Variants in HS3ST5 observed in about 807,000 individuals in gnomAD.
HS3ST5 encodes the protein heparan sulfate-glucosamine 3-sulfotransferase 5.
A neutral mutation model predicts 25.4 loss-of-function variants in HS3ST5; 10 were observed. That is an observed-to-expected ratio of 0.39 (90% CI 0.24 to 0.67). The LOEUF (loss-of-function observed/expected upper bound fraction) is 0.67. Ranked by LOEUF, HS3ST5 falls within the 30% of genes least tolerant of loss-of-function variation. The probability of loss-of-function intolerance (pLI) is 0.44; values close to 1 mark genes in which losing one functional copy is unlikely to be tolerated. For synonymous variants in HS3ST5, 170 were observed against 162.4 expected (o/e 1.05, Z -0.36); for missense variants, 324 against 420.7 (o/e 0.77, Z 2.01).
intron 3 of HS3ST5, among the ~76,000 whole-genome samples, chr6:114,121,202 C>T (rs936109581): frequency 6.6e-6 from 1 of 152,196 alleles, no homozygotes; most frequent in African/African-American, 2.4e-5. Flanking sequence ...TATCACTGTT[C>T]TGACCCACAG....
chr6:114,096,919 T>G (rs1775460031), intron 3 of HS3ST5, among the ~76,000 whole-genome samples: 1 of 152,084 alleles, frequency 6.6e-6, no homozygotes, highest in South Asian at 2.1e-4. Flanking sequence ...ATTTTAAGGT[T>G]TTCTAGTGTT....
intron 2 of HS3ST5, among the ~76,000 whole-genome samples, chr6:114,208,146 A>G (rs1269181411): frequency 6.6e-6 from 1 of 152,226 alleles, no homozygotes; most frequent in Non-Finnish European, 1.5e-5. Context: ...TGAAAACTTA[A>G]TCATTGAGAC....
chr6:114,119,255 T>G (rs1263902874), intron 3 of HS3ST5, among the ~76,000 whole-genome samples: 1 of 152,188 alleles, frequency 6.6e-6, no homozygotes, highest in East Asian at 1.9e-4. Flanking sequence ...CCAAAGTCTT[T>G]CCTTACACAG....
At chr6:114,324,817 T>C (rs1423412995) in intron 1 of HS3ST5, among the ~76,000 whole-genome samples, 1 of 152,190 alleles carries the variant, frequency 6.6e-6, no homozygotes, top group African/African-American at 2.4e-5. Flanking sequence ...CTATCACTTA[T>C]ACATCTGTAG....
intron 3 of HS3ST5, among the ~76,000 whole-genome samples, chr6:114,115,896 G>T (rs1391214122): frequency 5.9e-5 from 9 of 151,906 alleles, no homozygotes; most frequent in Admixed American, 1.3e-4. Context: ...GGTTAGTGAG[G>T]TCATGTTGAT....
intron 3 of HS3ST5, among the ~76,000 whole-genome samples, chr6:114,160,926 TA>T (rs1252727471): frequency 6.6e-6 from 1 of 152,208 alleles, no homozygotes; most frequent in Non-Finnish European, 1.5e-5. Context: ...ACCACTGGAA[TA>T]AATTGTAATA....
chr6:114,133,542 T>C (rs1202206934), intron 3 of HS3ST5, among the ~76,000 whole-genome samples: 2 of 152,184 alleles, frequency 1.3e-5, no homozygotes, highest in Non-Finnish European at 2.9e-5. Context: ...AATTTTAGGC[T>C]AAGAGGAGGG....
chr6:114,136,451 A>C (rs299413), intron 3 of HS3ST5, among the ~76,000 whole-genome samples: 93,099 of 152,054 alleles, frequency 0.61, 29,090 homozygotes, highest in Non-Finnish European at 0.68. Flanking sequence ...GCTGTGAGTC[A>C]ATTAAACCTC....
At chr6:114,254,868 G>A (rs922461037) in intron 1 of HS3ST5, among the ~76,000 whole-genome samples, 1 of 152,120 alleles carries the variant, frequency 6.6e-6, no homozygotes, top group South Asian at 2.1e-4. Context: ...TGGAATTAGG[G>A]GAGCTAAAAT....
At chr6:114,084,329 G>A in intron 3 of HS3ST5, 2 of 762,632 alleles carry the variant, frequency 2.6e-6, no homozygotes, top group Admixed American at 1.7e-5. Context: ...GCAATCTCAG[G>A]CTGAGTAGCA....
At chr6:114,339,477 T>A (rs1340509027) in intron 1 of HS3ST5, among the ~76,000 whole-genome samples, 1 of 150,046 alleles carries the variant, frequency 6.7e-6, no homozygotes, top group Non-Finnish European at 1.5e-5. Context: ...ATTGCTTTTT[T>A]AAAAAACGTT....
At chr6:114,121,268 G>T (rs1199431126) in intron 3 of HS3ST5, among the ~76,000 whole-genome samples, 1 of 152,094 alleles carries the variant, frequency 6.6e-6, no homozygotes, top group Non-Finnish European at 1.5e-5. Context: ...AAATCTCCAC[G>T]TGGGAGGTTT....
At chr6:114,252,219 T>C (rs564589685) in intron 1 of HS3ST5, among the ~76,000 whole-genome samples, 1 of 152,326 alleles carries the variant, frequency 6.6e-6, no homozygotes, top group East Asian at 1.9e-4. Flanking sequence ...TGCAGATTAT[T>C]GCTTAGGTGT....
intron 3 of HS3ST5, among the ~76,000 whole-genome samples, chr6:114,134,363 T>C (rs559155519): frequency 6.6e-6 from 1 of 152,290 alleles, no homozygotes; most frequent in Non-Finnish European, 1.5e-5. Flanking sequence ...GGATCCAAGG[T>C]CTGACCCAAG....
At chr6:114,186,021 G>T (rs1282196921) in intron 2 of HS3ST5, among the ~76,000 whole-genome samples, 3 of 152,022 alleles carry the variant, frequency 2.0e-5, no homozygotes, top group African/African-American at 7.2e-5. Context: ...ATAAGGCAGA[G>T]AACTTAATCA....
chr6:114,132,851 A>G (rs1255055129), intron 3 of HS3ST5, among the ~76,000 whole-genome samples: 1 of 152,198 alleles, frequency 6.6e-6, no homozygotes, highest in Admixed American at 6.5e-5. Context: ...GCCGGTCTGA[A>G]TTCAGAGGAC....
At chr6:114,153,417 T>C (rs1389055238) in intron 3 of HS3ST5, among the ~76,000 whole-genome samples, 1 of 152,232 alleles carries the variant, frequency 6.6e-6, no homozygotes. Flanking sequence ...CCTGTTTCTA[T>C]ATTTGCACTG....
At chr6:114,326,813 T>G (rs893915532) in intron 1 of HS3ST5, among the ~76,000 whole-genome samples, 1 of 152,186 alleles carries the variant, frequency 6.6e-6, no homozygotes, top group Non-Finnish European at 1.5e-5. Flanking sequence ...CCTTGAATCC[T>G]GTAAACTTCT....
intron 1 of HS3ST5, among the ~76,000 whole-genome samples, chr6:114,339,787 G>A (rs147531285): frequency 8.3e-4 from 127 of 152,258 alleles, no homozygotes; most frequent in Non-Finnish European, 1.4e-3. Flanking sequence ...TAACGACATG[G>A]TGGGATAAGG....
Sources: allele counts gnomAD v4.1 joint callset (sites outside exome capture counted in the v4.1 genomes callset), GRCh38; gene constraint gnomAD v4.1.1; transcripts MANE v1.5; gene names NCBI Gene and HGNC (gene_info 2026-07-23, HGNC 2026-07-21).